Variants in PDE6C observed in about 807,000 individuals in gnomAD.
PDE6C encodes the protein phosphodiesterase 6C.
Under a neutral mutation model 113.1 loss-of-function variants are expected in PDE6C, and 75 were observed. The observed-to-expected ratio is 0.66, with a 90% CI of 0.55 to 0.80. The LOEUF (loss-of-function observed/expected upper bound fraction) is 0.80, where lower values mean the gene tolerates loss of function less well. Among genes scored for constraint, PDE6C ranks in the 30% least tolerant of loss-of-function variants. The probability of loss-of-function intolerance (pLI) is 0.00; values close to 1 mark genes in which losing one functional copy is unlikely to be tolerated. For missense variants in PDE6C, 912 were observed against 1,038.6 expected (o/e 0.88, Z 1.67); for synonymous variants, 375 against 363.7 (o/e 1.03, Z -0.35).
intron 1 of PDE6C, 125 bp downstream of exon 1, chr10:93,613,330 G>C: frequency 7.4e-7 from 1 of 1,348,642 alleles, no homozygotes. Flanking sequence ...TGGGTGGCAG[G>C]GAAGAGGATC....
chr10:93,625,465 T>A lies in PDE6C; in HGVS notation c.865-110T>A, dbSNP rs182347389. On this transcript the variant is annotated intron_variant, in intron 4 of 21. Transcript: ENST00000371447. ...ATTGTAGATCTTTCAGCACTAAAAT[T>A]CCAGAATTACGTAGATTAACATAAA... The A allele has an allele frequency of 1.8e-4, 142 of 796,384 alleles. No homozygotes were observed. The African/African-American group carries it at 2.0e-3, about 11-fold the overall frequency. The allele number at this position is 796,384 out of a possible 1,614,324, so 49.3% of individuals were successfully genotyped here.
At chr10:93,633,473 AAAAAAAAT>A (rs1221653424) in intron 8 of PDE6C, among the ~76,000 whole-genome samples, 1 of 144,448 alleles carries the variant, frequency 6.9e-6, no homozygotes, top group Admixed American at 7.2e-5. Context: ...CTCAAAAAAA[AAAAAAAAT>A]AAAAAAAAAT....
At chr10:93,633,820 G>GAAC (rs1311371183) in intron 8 of PDE6C, among the ~76,000 whole-genome samples, 7 of 152,194 alleles carry the variant, frequency 4.6e-5, no homozygotes, top group African/African-American at 1.7e-4. Flanking sequence ...AGTGTAAAGG[G>GAAC]AACAGTGAGG....
chr10:93,654,025 T>C (rs1369257393), intron 15 of PDE6C, among the ~76,000 whole-genome samples: 1 of 152,240 alleles, frequency 6.6e-6, no homozygotes, highest in Non-Finnish European at 1.5e-5. Context: ...GGTTTGCAAT[T>C]CTATTTCTAC....
rs766866168 is a variant in PDE6C at position 93,662,050 on chromosome 10, C to A, written c.2209-9C>A. On this transcript the variant is annotated splice_polypyrimidine_tract_variant and intron_variant, in intron 18 of 21. Coordinates refer to ENST00000371447, the MANE Select transcript of PDE6C (RefSeq NM_006204.4). ...TGGATTTAGTGAACCAAGCCTTTCT[C>A]ATTTGCAGGTAGCACTTATGGTTGC... 1.3e-6 allele frequency: 2 copies of A among 1,576,970 alleles called. No homozygotes were observed. Among genetic ancestry groups the A allele is most frequent in the Non-Finnish European group, 1.7e-6 (2 of 1,146,240 alleles).
chr10:93,665,536 G>C lies in PDE6C; in HGVS notation c.*118G>C. Reference sequence around the variant, plus strand: ...AGGATCTTCAGAAAAACTACCCTGTGACTATGAAGAAAATATATATTGCTA... The same window carrying C: ...AGGATCTTCAGAAAAACTACCCTGTCACTATGAAGAAAATATATATTGCTA... On this transcript the variant is annotated 3_prime_UTR_variant, in exon 22 of 22. Transcript: ENST00000371447. 1 of 742,950 alleles carries C rather than the reference G, an allele frequency of 1.3e-6. No individual in the cohort carries two copies. The highest frequency in any genetic ancestry group is 1.5e-5 in the South Asian group (1 of 65,020). 46.0% of individuals were successfully genotyped at this position (742,950 alleles called of 1,614,324 possible).
chr10:93,637,826 A>C (rs577990961), intron 11 of PDE6C, among the ~76,000 whole-genome samples: 15 of 152,318 alleles, frequency 9.8e-5, no homozygotes, highest in African/African-American at 3.6e-4. Flanking sequence ...GGTTCTAGTC[A>C]TTTGATCCTG....
chr10:93,641,090 G>T, intron 14 of PDE6C, 61 bp downstream of exon 14: 2 of 999,134 alleles, frequency 2.0e-6, no homozygotes, highest in South Asian at 2.6e-5. Flanking sequence ...TACTTAGGGT[G>T]AGAAAAACGC....
At position 93,640,131 on chromosome 10, in the gene PDE6C, C is replaced by G. The variant is rs768709527; in HGVS notation, c.1544C>G (p.Pro515Arg). 1 of 1,613,844 alleles carries G rather than the reference C, an allele frequency of 6.2e-7. No homozygotes were observed. Among genetic ancestry groups the G allele is most frequent in the Non-Finnish European group, 8.5e-7 (1 of 1,179,754 alleles). The change falls in exon 12 of 22, where the codon CCC becomes CGC. Residue 515 changes from proline to arginine, a missense_variant. Pro to Arg is a moderately radical substitution (Grantham distance 103). Transcript: ENST00000371447. ...ELYEFRFSDF[P>R]LTEHGLIKCG... ...TACGAATTCCGCTTCAGTGACTTCC[C>G]CCTTACAGAGCACGGATTGATTAAA... is the stretch of plus-strand genomic sequence containing the variant.
In PDE6C at chr10:93,649,893, C is replaced by A. The variant is rs140441213; in HGVS notation, c.1935+3846C>A. 3.2e-3 allele frequency among the ~76,000 whole-genome samples: 492 copies of A among 152,284 alleles called. 3 individuals are homozygous for A. Among genetic ancestry groups the A allele is most frequent in the African/African-American group, 0.011 (476 of 41,570 alleles). ...GTGCTGGGATTACAGGTGTGAGCCA[C>A]CATGCCTAGCCTAAACTGCATCTCT... is the stretch of plus-strand genomic sequence containing the variant. On this transcript the variant is annotated intron_variant, in intron 15 of 21. Coordinates refer to ENST00000371447, the MANE Select transcript of PDE6C (RefSeq NM_006204.4).
At position 93,625,039 on chromosome 10, in the gene PDE6C, G is replaced by T. The variant is rs140199132; in HGVS notation, c.865-536G>T. On this transcript the variant is annotated intron_variant, in intron 4 of 21. Transcript: ENST00000371447. ...ACTTCTCCCCCTTCTTCAATGTCCA[G>T]ATCTGGGCCACATACCTGCCCTTAA... Among the ~76,000 whole-genome samples the T allele has an allele frequency of 2.0e-3, 298 of 152,260 alleles. 1 individual carries two copies. The highest frequency in any genetic ancestry group is 6.7e-3 in the African/African-American group (279 of 41,532).
Position 93,620,776 on chromosome 10 carries a change from G to A in PDE6C, c.625G>A (p.Asp209Asn), listed in dbSNP as rs2058441896. The part of the protein sequence containing the change: ...KVNASEFSKQ[D>N]EEVFSKYLNF... ...AAATGCATCTGAATTTTCCAAACAG[G>A]ATGAAGAGGTAATGCTAACCCTGGG... Residue 209 changes from aspartate (D) to asparagine (N), a missense_variant, in exon 2 of 22, where the codon GAT becomes AAT. Asp to Asn is a conservative substitution (Grantham distance 23). Transcript: ENST00000371447. 1.9e-6 allele frequency: 3 copies of A among 1,614,148 alleles called. No homozygotes were observed. In the African/African-American group the frequency reaches 4.0e-5, roughly 22 times the overall value.
At position 93,637,050 on chromosome 10, in the gene PDE6C, T is replaced by C. The variant is rs1209207495; in HGVS notation, c.1469T>C (p.Leu490Pro). 1 of 1,593,416 alleles carries C rather than the reference T, an allele frequency of 6.3e-7. No individual in the cohort carries two copies. The highest frequency in any genetic ancestry group is 8.6e-7 in the Non-Finnish European group (1 of 1,161,424). ...ATTGACGACTGTGAAGAAAAACAAC[T>C]TGTTGCAATTTTGGTAAGTGTTTTC... ...DVIDDCEEKQ[L>P]VAILKEDLPD... is the part of the protein sequence containing the mutation. Residue 490 changes from leucine (L) to proline (P), a missense_variant, in exon 11 of 22, where the codon CTT (leucine) becomes CCT (proline). Physicochemically the swap from Leu to Pro is moderately conservative, Grantham distance 98 (BLOSUM62 -3). Coordinates refer to ENST00000371447, the MANE Select transcript of PDE6C (RefSeq NM_006204.4).
Position 93,662,104 on chromosome 10 carries a change from G to A in PDE6C, c.2254G>A (p.Glu752Lys), listed in dbSNP as rs2133878975. The change falls in exon 19 of 22, where the codon GAG becomes AAG. Residue 752 changes from glutamate (E) to lysine (K), a missense_variant. Glu to Lys is a moderately conservative substitution (Grantham distance 56, BLOSUM62 1). Transcript: ENST00000371447. ...TGAATTTTGGGAACAAGGAGATCTGGAGAGAACAGTGTTGCAGCAACAACC... is the reference window on the plus strand; with the variant it reads ...TGAATTTTGGGAACAAGGAGATCTGAAGAGAACAGTGTTGCAGCAACAACC... The part of the protein sequence containing the change: ...ANEFWEQGDL[E>K]RTVLQQQPIP... 6.2e-7 allele frequency: 1 copy of A among 1,609,236 alleles called. No homozygotes were observed. The highest frequency in any genetic ancestry group is 8.5e-7 in the Non-Finnish European group (1 of 1,175,660).
Position 93,620,732 on chromosome 10 carries a change from T to G in PDE6C, c.581T>G (p.Ile194Ser). 6.2e-7 allele frequency: 1 copy of G among 1,614,190 alleles called. No individual in the cohort carries two copies. Among genetic ancestry groups the G allele is most frequent in the South Asian group, 1.1e-5 (1 of 91,082 alleles). The part of the protein sequence containing the change: ...IVVGKEVLAV[I>S]MAVNKVNASE... ...GTGGGCAAGGAGGTTCTTGCTGTGATCATGGCAGTTAACAAAGTAAATGCA... is the reference window on the plus strand; with the variant it reads ...GTGGGCAAGGAGGTTCTTGCTGTGAGCATGGCAGTTAACAAAGTAAATGCA... Residue 194 changes from isoleucine (I) to serine (S), a missense_variant, in exon 2 of 22, where the codon ATC becomes AGC. Physicochemically the swap from Ile to Ser is moderately radical, Grantham distance 142 (BLOSUM62 -2). Coordinates refer to ENST00000371447, the MANE Select transcript of PDE6C (RefSeq NM_006204.4).
intron 10 of PDE6C, among the ~76,000 whole-genome samples, chr10:93,636,749 C>G (rs1160521900): frequency 4.6e-5 from 7 of 151,978 alleles, no homozygotes; most frequent in Non-Finnish European, 8.8e-5. Context: ...TGCCATGGAA[C>G]TCATTGTAGT....
chr10:93,634,346 G>A (rs954449813), intron 8 of PDE6C, among the ~76,000 whole-genome samples: 1 of 152,140 alleles, frequency 6.6e-6, no homozygotes, highest in Admixed American at 6.5e-5. Context: ...CTAAGTGACA[G>A]GTGGTTGGGT....
intron 10 of PDE6C, among the ~76,000 whole-genome samples, chr10:93,636,779 A>G (rs923136250): frequency 6.6e-6 from 1 of 152,066 alleles, no homozygotes; most frequent in African/African-American, 2.4e-5. Flanking sequence ...TTATTTACTT[A>G]TTTTTAGAGA....
At chr10:93,656,035 A>G (rs2058636619) in intron 16 of PDE6C, among the ~76,000 whole-genome samples, 175 bp downstream of exon 16, 1 of 152,210 alleles carries the variant, frequency 6.6e-6, no homozygotes, top group Non-Finnish European at 1.5e-5. Flanking sequence ...CAAGTAGAGT[A>G]TCTTCAAGAC....
Sources: allele counts gnomAD v4.1 joint callset (sites outside exome capture counted in the v4.1 genomes callset), GRCh38; gene constraint gnomAD v4.1.1; transcripts MANE v1.5; gene names NCBI Gene and HGNC (gene_info 2026-07-23, HGNC 2026-07-21).